NXPE4: variants seen among roughly 807,000 people sequenced by gnomAD.
The protein encoded by NXPE4 is NXPE family member 4.
NXPE4 carries 42 observed loss-of-function variants against 33.3 expected under a neutral mutation model. The ratio of observed to expected loss-of-function variants is 1.26; its 90% CI spans 0.98 to 1.63. The LOEUF (loss-of-function observed/expected upper bound fraction) is 1.63, where lower values mean the gene tolerates loss of function less well. Ranked by LOEUF, NXPE4 falls within the 40% of genes most tolerant of loss-of-function variation. The probability of loss-of-function intolerance (pLI) is 0.00; values close to 1 mark genes in which losing one functional copy is unlikely to be tolerated. For missense variants in NXPE4, 709 were observed against 647.6 expected, an observed-to-expected ratio of 1.09 and a Z score of -1.03; for synonymous variants, 253 against 234.9, an observed-to-expected ratio of 1.08 and a Z score of -0.71.
At chr11:114,635,950 T>G in the NXPE4 span, among the ~76,000 whole-genome samples, 14,012 of 151,954 alleles carry the variant, frequency 0.092, 827 homozygotes, top group Middle Eastern at 0.2. Context: ...TCTCTGCCCG[T>G]CTTTGGTATC....
At position 114,594,731 on chromosome 11, in the gene NXPE4, G is replaced by A. The variant is rs547531949; in HGVS notation, c.29C>T (p.Ser10Leu). The change falls in exon 2 of 6, where the codon TCA becomes TTA. Residue 10 changes from serine (S) to leucine (L), a missense_variant. Transcript: ENST00000375478. ...TAATATAAACAACAGTGCCAATAGT[G>A]ACTTATAATTTATCATACTTATTTT... MKISMINYK[S>L]LLALLFILAS... is the part of the protein sequence containing the mutation. The A allele has an allele frequency of 1.9e-6, 3 of 1,588,716 alleles. No individual in the cohort carries two copies. The highest frequency in any genetic ancestry group is 2.7e-5 in the African/African-American group (2 of 74,198).
rs781187185 is a variant in NXPE4, at chr11:114,582,948, GTT to G, written c.168_169del (p.Lys56AsnfsTer13). On this transcript the variant is annotated frameshift_variant, in exon 3 of 6. Transcript: ENST00000375478. LOFTEE classifies it high-confidence loss of function. ...TAGTGGCTTTAATGATATCAGTGGT[GTT>G]TTAGGGAATAAGGACTTTGTGGAGT... 3 of 1,614,152 alleles carry G rather than the reference GTT, an allele frequency of 1.9e-6. No homozygotes were observed. In the South Asian group the frequency reaches 3.3e-5, roughly 18 times the overall value.
At chr11:114,647,887 A>G in the NXPE4 span, among the ~76,000 whole-genome samples, 1 of 152,058 alleles carries the variant, frequency 6.6e-6, no homozygotes, top group Non-Finnish European at 1.5e-5. Context: ...ATTTTAGTAG[A>G]GACGAGGTTT....
intron 2 of NXPE4, 81 bp downstream of exon 2, chr11:114,594,583 G>T: frequency 1.2e-6 from 1 of 861,406 alleles, no homozygotes; most frequent in Non-Finnish European, 1.9e-6. Context: ...TACAAGTCTT[G>T]TAGTTTAGCC....
chr11:114,664,858 C>G, the NXPE4 span, among the ~76,000 whole-genome samples: 2 of 152,154 alleles, frequency 1.3e-5, no homozygotes, highest in African/African-American at 4.8e-5. Flanking sequence ...AACCAATACT[C>G]TACAGTGTAC....
chr11:114,664,964 G>T, the NXPE4 span, among the ~76,000 whole-genome samples: 983 of 152,272 alleles, frequency 6.5e-3, 8 homozygotes, highest in Non-Finnish European at 8.5e-3. Context: ...TGTTTGGTAG[G>T]TTAGATGTAT....
At chr11:114,599,383 C>T (rs550574510), upstream of NXPE4, among the ~76,000 whole-genome samples, 8 of 152,272 alleles carry the variant, frequency 5.3e-5, no homozygotes, top group South Asian at 4.1e-4. Flanking sequence ...CAAAGTTTCT[C>T]TTATATTCTT....
the NXPE4 span, among the ~76,000 whole-genome samples, chr11:114,666,384 A>AT: frequency 5.3e-5 from 8 of 151,946 alleles, no homozygotes; most frequent in Admixed American, 1.3e-4. Context: ...GGGATGAAAG[A>AT]TTTTTTTTCC....
chr11:114,577,008 G>C (rs1283659045), intron 5 of NXPE4, among the ~76,000 whole-genome samples: 8 of 10,442 alleles, frequency 7.7e-4, no homozygotes, highest in Non-Finnish European at 1.3e-3. Context: ...TATATATAAA[G>C]TTATATATAT....
the NXPE4 span, among the ~76,000 whole-genome samples, chr11:114,627,238 T>G: frequency 3.0e-4 from 46 of 151,872 alleles, no homozygotes; most frequent in East Asian, 3.3e-3. Flanking sequence ...AAAGTTGAAA[T>G]GAAGGAAAAA....
chr11:114,590,121 C>T (rs1462325658), intron 2 of NXPE4, among the ~76,000 whole-genome samples: 1 of 152,184 alleles, frequency 6.6e-6, no homozygotes, highest in East Asian at 1.9e-4. Flanking sequence ...TTTGTTTGGA[C>T]AGGCATTGTC....
the NXPE4 span, among the ~76,000 whole-genome samples, chr11:114,616,080 T>C: frequency 8.6e-5 from 13 of 151,800 alleles, no homozygotes; most frequent in African/African-American, 2.4e-4. Flanking sequence ...TAAACACTGT[T>C]ACCTGCTGCA....
chr11:114,601,884 T>TATATATTATATTTATACATATTATATAA, the NXPE4 span, among the ~76,000 whole-genome samples: 1 of 15,796 alleles, frequency 6.3e-5, no homozygotes, highest in Non-Finnish European at 8.5e-5. Flanking sequence ...TTATATATAA[T>TATATATTATATTTATACATATTATATAA]TATATATTAT....
intron 5 of NXPE4, among the ~76,000 whole-genome samples, chr11:114,574,423 C>A (rs1406088243): frequency 1.3e-5 from 2 of 151,838 alleles, no homozygotes; most frequent in African/African-American, 4.8e-5. Context: ...AAAGCTGGTT[C>A]TTTGAAAAGA....
the NXPE4 span, among the ~76,000 whole-genome samples, chr11:114,634,806 C>G: frequency 6.6e-6 from 1 of 151,962 alleles, no homozygotes; most frequent in Non-Finnish European, 1.5e-5. Context: ...GGGCTCTGTT[C>G]TGTTCCATTG....
At chr11:114,597,125 G>A (rs1327202262), upstream of NXPE4, among the ~76,000 whole-genome samples, 1 of 152,024 alleles carries the variant, frequency 6.6e-6, no homozygotes. Flanking sequence ...GATAGACTCT[G>A]ATTAATTAAG....
the NXPE4 span, among the ~76,000 whole-genome samples, chr11:114,670,484 A>T: frequency 6.6e-6 from 1 of 151,942 alleles, no homozygotes; most frequent in African/African-American, 2.4e-5. Context: ...CCTTGAGGCT[A>T]GGAGTTGGAA....
the NXPE4 span, among the ~76,000 whole-genome samples, chr11:114,647,804 C>T: frequency 2.6e-5 from 4 of 151,850 alleles, no homozygotes; most frequent in South Asian, 2.1e-4. Flanking sequence ...TGGGTTTAAG[C>T]GATTCTCCTG....
At chr11:114,606,732 G>A in the NXPE4 span, among the ~76,000 whole-genome samples, 1 of 151,934 alleles carries the variant, frequency 6.6e-6, no homozygotes, top group African/African-American at 2.4e-5. Flanking sequence ...GGTAACCACT[G>A]CTACCTGCTG....
Sources: gnomAD v4.1 joint callset for allele counts (sites outside exome capture counted in the v4.1 genomes callset) on GRCh38, gnomAD v4.1.1 for gene constraint, MANE v1.5 for transcripts, NCBI Gene and HGNC (gene_info 2026-07-23, HGNC 2026-07-21) for gene names.